Variants in HAUS6 observed in about 807,000 individuals in gnomAD.
HAUS6 encodes the protein HAUS augmin-like complex subunit 6.
A neutral mutation model predicts 106.8 loss-of-function variants in HAUS6; 80 were observed. That is an observed-to-expected ratio of 0.75 (90% CI 0.63 to 0.90). The LOEUF is 0.90. HAUS6 is among the 40% of genes least tolerant of loss of function. The pLI is 0.00. For missense variants in HAUS6, 1,155 were observed against 1,118.1 expected, an observed-to-expected ratio of 1.03 and a Z score of -0.47; for synonymous variants, 356 against 379.1, an observed-to-expected ratio of 0.94 and a Z score of 0.71.
chr9:19,101,688 G>A (rs867445594), intron 1 of HAUS6, among the ~76,000 whole-genome samples: 4 of 152,178 alleles, frequency 2.6e-5, no homozygotes, highest in African/African-American at 9.7e-5. Flanking sequence ...TTGGGAGGCC[G>A]AGGCAGGTGG....
chr9:19,069,570 T>C (rs980582067), intron 12 of HAUS6, among the ~76,000 whole-genome samples: 2 of 152,076 alleles, frequency 1.3e-5, no homozygotes, highest in South Asian at 4.1e-4. Context: ...GCGCTTGTAA[T>C]GCCAGCTACT....
At chr9:19,070,564 G>C (rs1023919092) in intron 11 of HAUS6, among the ~76,000 whole-genome samples, 11 of 152,134 alleles carry the variant, frequency 7.2e-5, no homozygotes, top group African/African-American at 2.7e-4. Flanking sequence ...TAATTCCCCA[G>C]TGTTATATGC....
chr9:19,085,458 T>C (rs1212189128), intron 7 of HAUS6, among the ~76,000 whole-genome samples: 3 of 152,082 alleles, frequency 2.0e-5, no homozygotes, highest in East Asian at 1.9e-4. Context: ...ACCTAGCACA[T>C]ATCAGATGAT....
chr9:19,066,224 C>T (rs1405561518), intron 12 of HAUS6, among the ~76,000 whole-genome samples: 1 of 152,086 alleles, frequency 6.6e-6, no homozygotes, highest in Non-Finnish European at 1.5e-5. Context: ...GCATGAGCCA[C>T]CATGCCCAGC....
In HAUS6 at chr9:19,074,684, C is replaced by A. The variant is rs145180044; in HGVS notation, c.1294+1918G>T. On this transcript the variant is annotated intron_variant, in intron 11 of 16. Transcript: ENST00000380502. ...TCCCCAAATACACCTGACTCTCAAACCAATTACCTATCCCAGTGATTAAGT... is the reference window on the plus strand; with the variant it reads ...TCCCCAAATACACCTGACTCTCAAAACAATTACCTATCCCAGTGATTAAGT... Among the ~76,000 whole-genome samples, 634 of 152,250 alleles carry A rather than the reference C, an allele frequency of 4.2e-3. 3 individuals carry two copies. Among genetic ancestry groups the A allele is most frequent in the African/African-American group, 0.015 (609 of 41,560 alleles).
rs1179350008 is a variant in HAUS6, at chr9:19,102,777, C to G, written c.-126G>C. On this transcript the variant is annotated 5_prime_UTR_variant, in exon 1 of 17. Transcript: ENST00000380502. Reference sequence around the variant, plus strand: ...GGTCCTTCCATTGCCAACGCCTGCTCCTTTCACGCCCAGAGCGATTTCGCC... The same window carrying G: ...GGTCCTTCCATTGCCAACGCCTGCTGCTTTCACGCCCAGAGCGATTTCGCC... 1.2e-6 allele frequency: 1 copy of G among 848,458 alleles called. No individual in the cohort carries two copies. The highest frequency in any genetic ancestry group is 1.8e-6 in the Non-Finnish European group (1 of 558,968). 52.6% of individuals were successfully genotyped at this position (848,458 alleles called of 1,614,324 possible).
chr9:19,091,225 G>A (rs953537050), intron 4 of HAUS6, among the ~76,000 whole-genome samples: 6 of 152,058 alleles, frequency 3.9e-5, no homozygotes, highest in East Asian at 3.9e-4. Context: ...GCTTGAACCC[G>A]GGAAGTGGAT....
chr9:19,080,197 A>C (rs1837110042), intron 9 of HAUS6, among the ~76,000 whole-genome samples: 1 of 151,360 alleles, frequency 6.6e-6, no homozygotes, highest in Admixed American at 6.6e-5. Context: ...AAAAAAAAAA[A>C]AACTTTCCTA....
At chr9:19,059,873 T>A (rs1836569581) in intron 15 of HAUS6, among the ~76,000 whole-genome samples, 1 of 152,162 alleles carries the variant, frequency 6.6e-6, no homozygotes, top group Non-Finnish European at 1.5e-5. Context: ...AATTGTACAT[T>A]ATCAAAATTT....
At chr9:19,062,645 C>T (rs1588597138) in intron 14 of HAUS6, among the ~76,000 whole-genome samples, 1 of 152,046 alleles carries the variant, frequency 6.6e-6, no homozygotes, top group East Asian at 1.9e-4. Context: ...ATCCCAACAC[C>T]ATTGAGAAAA....
At chr9:19,066,833 A>AAAT (rs1484599902) in intron 12 of HAUS6, among the ~76,000 whole-genome samples, 1 of 127,700 alleles carries the variant, frequency 7.8e-6, no homozygotes, top group East Asian at 2.4e-4. Flanking sequence ...ATCTCTACAA[A>AAAT]AAAAAAAAAA....
chr9:19,057,686 T>A (rs778407514), intron 16 of HAUS6: 78 of 408,480 alleles, frequency 1.9e-4, no homozygotes, highest in Non-Finnish European at 2.5e-4. Flanking sequence ...TTGATGACAT[T>A]TACTTTTCAG....
rs201446137 is a variant in HAUS6 at position 19,067,997 on chromosome 9, CA to C, written c.1376+2221del. 9.9e-3 allele frequency among the ~76,000 whole-genome samples: 1,427 copies of C among 144,702 alleles called. 5 individuals carry two copies. Among genetic ancestry groups the C allele is most frequent in the East Asian group, 0.016 (81 of 5,018 alleles). 94.9% of individuals were successfully genotyped at this position (144,702 alleles called of 152,430 possible). On this transcript the variant is annotated intron_variant, in intron 12 of 16. Transcript: ENST00000380502. ...GCATGAGCCACCGCACCTGGCCCCCCAAAAAAAAAAGTTATCTTGAGGTTTA... is the reference window on the plus strand; with the variant it reads ...GCATGAGCCACCGCACCTGGCCCCCCAAAAAAAAAGTTATCTTGAGGTTTA...
At chr9:19,091,394 A>C (rs1250765860) in intron 4 of HAUS6, among the ~76,000 whole-genome samples, 1 of 152,166 alleles carries the variant, frequency 6.6e-6, no homozygotes, top group Non-Finnish European at 1.5e-5. Flanking sequence ...GAACACGTTG[A>C]CTGGAATTGG....
chr9:19,080,513 G>A lies in HAUS6; in HGVS notation c.1030C>T (p.Gln344Ter). The A allele has an allele frequency of 6.2e-7, 1 of 1,608,398 alleles. No individual in the cohort carries two copies. The highest frequency in any genetic ancestry group is 8.5e-7 in the Non-Finnish European group (1 of 1,176,664). ...TTCAGATCTGATAATCTTTCCTTCT[G>A]AAATTTGGTCTCTTTTTCAAGGTAG... Reference protein sequence around the residue: ...LHYLEKETKFQKERLSDLKHM... With the variant: ...LHYLEKETKF The change falls in exon 9 of 17, where the codon CAG becomes TAG. Residue 344 changes from glutamine (Q) to a stop codon, truncating the protein, a stop_gained. Transcript: ENST00000380502. LOFTEE classifies it high-confidence loss of function.
At chr9:19,074,109 T>C (rs1564012369) in intron 11 of HAUS6, among the ~76,000 whole-genome samples, 1 of 152,012 alleles carries the variant, frequency 6.6e-6, no homozygotes, top group Non-Finnish European at 1.5e-5. Context: ...TAGCCAGGCA[T>C]GGCAGAGTGT....
rs761121669 is a variant in HAUS6, at chr9:19,078,133, AG to A, written c.1191+42del. On this transcript the variant is annotated intron_variant, in intron 10 of 16. Coordinates refer to ENST00000380502, the MANE Select transcript of HAUS6 (RefSeq NM_017645.5). ...GACACTGTCTCAAAAAAAAAAAAAA[AG>A]GTGGGTGGCGGGGAGGGCAGGGGCA... The A allele has an allele frequency of 6.4e-6, 9 of 1,410,190 alleles. No homozygotes were observed. In the African/African-American group the frequency reaches 8.8e-5, roughly 14 times the overall value. 87.4% of individuals were successfully genotyped at this position (1,410,190 alleles called of 1,614,324 possible).
intron 14 of HAUS6, among the ~76,000 whole-genome samples, 195 bp from the exon 15 acceptor site, chr9:19,060,418 A>C (rs552894061): frequency 3.9e-5 from 6 of 152,230 alleles, no homozygotes; most frequent in Admixed American, 3.3e-4. Context: ...AAGTGAAATG[A>C]AACACTGAAG....
intron 2 of HAUS6, among the ~76,000 whole-genome samples, chr9:19,095,229 C>T (rs767769896): frequency 6.6e-6 from 1 of 151,940 alleles, no homozygotes; most frequent in Non-Finnish European, 1.5e-5. Context: ...CAACTTTGGT[C>T]AAAAATATTA....
Sources: allele counts gnomAD v4.1 joint callset (sites outside exome capture counted in the v4.1 genomes callset), GRCh38; gene constraint gnomAD v4.1.1; transcripts MANE v1.5; gene names NCBI Gene and HGNC (gene_info 2026-07-23, HGNC 2026-07-21).